CTNNA3: variants seen among roughly 807,000 people sequenced by gnomAD.
CTNNA3 encodes the protein catenin alpha 3.
In CTNNA3, 76 loss-of-function variants were observed where a neutral mutation model predicts 95.7. That is an observed-to-expected ratio of 0.79 (90% CI 0.66 to 0.96). CTNNA3 has a LOEUF of 0.96. CTNNA3 is among the 40% of genes least tolerant of loss of function. The pLI is 0.00. For missense variants in CTNNA3, 1,191 were observed against 1,089.8 expected (o/e 1.09, Z -1.31); for synonymous variants, 431 against 374.4 (o/e 1.15, Z -1.74).
intron 9 of CTNNA3, among the ~76,000 whole-genome samples, chr10:66,731,497 A>T (rs1848958570): frequency 6.6e-6 from 1 of 151,984 alleles, no homozygotes; most frequent in Non-Finnish European, 1.5e-5. Context: ...TAACTCTGGC[A>T]CGTAAGTCTC....
chr10:66,845,718 A>AAAAAAAAAAAC (rs1564719852), intron 7 of CTNNA3, among the ~76,000 whole-genome samples: 2 of 123,962 alleles, frequency 1.6e-5, no homozygotes, highest in African/African-American at 6.8e-5. Context: ...AAAAAAAAAA[A>AAAAAAAAAAAC]AAAAAAAAAA....
Position 66,406,776 on chromosome 10 carries a change from A to T in CTNNA3, c.1532-27424T>A, listed in dbSNP as rs989596903. 2.0e-5 allele frequency among the ~76,000 whole-genome samples: 3 copies of T among 152,226 alleles called. No homozygotes were observed. In the East Asian group the frequency reaches 5.8e-4, roughly 29 times the overall value. ...AACTCAAGAGCTCTTGCTCTAAACC[A>T]CTTCTCCATGCTGCCACTCTTGTAT... On this transcript the variant is annotated intron_variant, in intron 11 of 17. Transcript: ENST00000433211.
intron 17 of CTNNA3, among the ~76,000 whole-genome samples, chr10:65,922,719 C>T (rs1420325841): frequency 6.6e-6 from 1 of 152,048 alleles, no homozygotes; most frequent in Admixed American, 6.6e-5. Context: ...GGATTTGATC[C>T]TAGGACTCCA....
intron 7 of CTNNA3, among the ~76,000 whole-genome samples, chr10:67,163,013 A>G (rs1861614096): frequency 6.6e-6 from 1 of 151,986 alleles, no homozygotes; most frequent in Non-Finnish European, 1.5e-5. Flanking sequence ...TGGAAAAGAA[A>G]TCTCCATCCC....
chr10:67,468,568 G>C (rs1847694250), intron 5 of CTNNA3, among the ~76,000 whole-genome samples: 1 of 152,070 alleles, frequency 6.6e-6, no homozygotes, highest in African/African-American at 2.4e-5. Flanking sequence ...AGGCACTCAG[G>C]CCCCCTCACA....
intron 11 of CTNNA3, among the ~76,000 whole-genome samples, chr10:66,408,672 C>A (rs2093076390): frequency 6.6e-6 from 1 of 152,162 alleles, no homozygotes; most frequent in Admixed American, 6.5e-5. Flanking sequence ...AATACTCTTA[C>A]TCTTTAGTGA....
At chr10:66,235,468 CAT>C (rs1426202769) in intron 13 of CTNNA3, among the ~76,000 whole-genome samples, 2 of 151,394 alleles carry the variant, frequency 1.3e-5, no homozygotes, top group East Asian at 3.9e-4. Context: ...AATAAATTGA[CAT>C]ATAAAATAAT....
At chr10:66,516,146 T>C (rs561882337) in intron 11 of CTNNA3, among the ~76,000 whole-genome samples, 2 of 151,176 alleles carry the variant, frequency 1.3e-5, no homozygotes, top group Non-Finnish European at 2.9e-5. Context: ...AAAAAAGATC[T>C]AGAGGGCCAG....
chr10:67,386,029 C>T (rs547731774), intron 5 of CTNNA3, among the ~76,000 whole-genome samples: 1 of 152,270 alleles, frequency 6.6e-6, no homozygotes, highest in East Asian at 1.9e-4. Context: ...TATGTCTCTA[C>T]ATTGTTTCGA....
chr10:66,978,824 T>G (rs1850233709), intron 7 of CTNNA3, among the ~76,000 whole-genome samples: 1 of 151,330 alleles, frequency 6.6e-6, no homozygotes, highest in South Asian at 2.1e-4. Context: ...TGGTCCTAAA[T>G]TATTGCTTAG....
intron 3 of CTNNA3, among the ~76,000 whole-genome samples, chr10:67,587,233 G>GTGTGTC (rs1842660486): frequency 6.7e-6 from 1 of 149,240 alleles, no homozygotes; most frequent in Non-Finnish European, 1.5e-5. Flanking sequence ...GTGTGTGTGT[G>GTGTGTC]TGTGTGTGTA....
rs189067501 is a variant in CTNNA3, at chr10:66,546,576, G to A, written c.1375-25803C>T. ...GAAGCCTCGAGAAACTTACAAATAT[G>A]GTGGAAGGTGAAGGGGAAGCAAGGC... On this transcript the variant is annotated intron_variant, in intron 10 of 17. Coordinates refer to ENST00000433211, the MANE Select transcript of CTNNA3 (RefSeq NM_013266.4). Among the ~76,000 whole-genome samples the A allele has an allele frequency of 4.3e-4, 66 of 152,218 alleles. 1 individual carries two copies. In the East Asian group the frequency reaches 0.013, roughly 29 times the overall value.
chr10:67,552,016 A>G (rs1005132426), intron 3 of CTNNA3, among the ~76,000 whole-genome samples: 1 of 152,258 alleles, frequency 6.6e-6, no homozygotes, highest in Admixed American at 6.5e-5. Flanking sequence ...AGAGTTGCTA[A>G]TTCTTTCTTT....
At chr10:67,646,541 T>C (rs1308332897) in intron 2 of CTNNA3, among the ~76,000 whole-genome samples, 1 of 152,028 alleles carries the variant, frequency 6.6e-6, no homozygotes, top group East Asian at 1.9e-4. Flanking sequence ...TGTAAACTTG[T>C]AAAAATATAT....
chr10:67,255,475 A>G (rs965075825), intron 5 of CTNNA3, among the ~76,000 whole-genome samples: 30 of 152,198 alleles, frequency 2.0e-4, no homozygotes, highest in African/African-American at 6.5e-4. Flanking sequence ...TATGTATTAC[A>G]TAAGCACAGA....
At chr10:65,929,494 A>T (rs1167769009) in intron 17 of CTNNA3, among the ~76,000 whole-genome samples, 1 of 152,146 alleles carries the variant, frequency 6.6e-6, no homozygotes, top group Non-Finnish European at 1.5e-5. Context: ...TTAAGATTTA[A>T]TGTGATAACA....
rs536355104 is a variant in CTNNA3, at chr10:66,846,084, AT to A, written c.1048-70561del. 6.6e-5 allele frequency among the ~76,000 whole-genome samples: 10 copies of A among 152,110 alleles called. No homozygotes were observed. The South Asian group carries it at 1.9e-3, about 28-fold the overall frequency. ...GAGGCGGAGGTTGCAGGGAGCCGAG[AT>A]TGTGCCACTGCACTCCAGCCTGGGT... is the stretch of plus-strand genomic sequence containing the variant. On this transcript the variant is annotated intron_variant, in intron 7 of 17. Transcript: ENST00000433211.
chr10:67,653,433 G>A (rs934794766), intron 1 of CTNNA3, among the ~76,000 whole-genome samples: 1 of 151,998 alleles, frequency 6.6e-6, no homozygotes, highest in Admixed American at 6.6e-5. Context: ...TTTCAAATTT[G>A]TACCCCTACA....
intron 6 of CTNNA3, among the ~76,000 whole-genome samples, chr10:67,188,545 A>G (rs1862971286): frequency 6.6e-6 from 1 of 152,218 alleles, no homozygotes; most frequent in South Asian, 2.1e-4. Context: ...TGCTGCTGGT[A>G]GAAATATAAA....
Sources: allele counts gnomAD v4.1 joint callset (sites outside exome capture counted in the v4.1 genomes callset), GRCh38; gene constraint gnomAD v4.1.1; transcripts MANE v1.5; gene names NCBI Gene and HGNC (gene_info 2026-07-23, HGNC 2026-07-21).